STARD13: variants seen among roughly 807,000 people sequenced by gnomAD.
The protein encoded by STARD13 is stAR-related lipid transfer protein 13.
A neutral mutation model predicts 106.4 loss-of-function variants in STARD13; 62 were observed. That is an observed-to-expected ratio of 0.58 (90% CI 0.48 to 0.72). The LOEUF (loss-of-function observed/expected upper bound fraction) is 0.72, where lower values mean the gene tolerates loss of function less well. Ranked by LOEUF, STARD13 falls within the 30% of genes least tolerant of loss-of-function variation. STARD13 has a pLI of 0.00. For missense variants in STARD13, 1,387 were observed against 1,424.0 expected (o/e 0.97, Z 0.42); for synonymous variants, 565 against 553.0 (o/e 1.02, Z -0.31).
chr13:33,241,809 C>G (rs527325152), intron 1 of STARD13, among the ~76,000 whole-genome samples: 2 of 152,148 alleles, frequency 1.3e-5, no homozygotes, highest in African/African-American at 2.4e-5. Context: ...CCCGAGGTGC[C>G]GGGATGGCAG....
the STARD13 span, among the ~76,000 whole-genome samples, chr13:33,387,865 C>T: frequency 2.6e-5 from 4 of 152,206 alleles, no homozygotes; most frequent in South Asian, 2.1e-4. Context: ...CCAGATTGGC[C>T]GCTCCCAGAT....
At chr13:33,302,092 A>G (rs1892742080) in intron 1 of STARD13, among the ~76,000 whole-genome samples, 1 of 152,206 alleles carries the variant, frequency 6.6e-6, no homozygotes, top group African/African-American at 2.4e-5. Flanking sequence ...GATAATAATT[A>G]AAGTCAGAGA....
the STARD13 span, among the ~76,000 whole-genome samples, chr13:33,616,952 G>T: frequency 4.6e-5 from 7 of 152,276 alleles, no homozygotes; most frequent in South Asian, 1.2e-3. Context: ...AGGGGACTTG[G>T]GTAGGGAGCG....
Position 33,294,224 on chromosome 13 carries a change from G to A in STARD13, c.124+56066C>T, listed in dbSNP as rs140674131. On this transcript the variant is annotated intron_variant, in intron 1 of 5. Transcript: ENST00000567873. ...CGTGCCTTTAACTAAACAGTACAGC[G>A]GCACTGAGCCAGCTACATTCAGCTG... is the stretch of plus-strand genomic sequence containing the variant. Among the ~76,000 whole-genome samples the A allele has an allele frequency of 2.6e-3, 394 of 152,264 alleles. 4 individuals are homozygous for A. Among genetic ancestry groups the A allele is most frequent in the African/African-American group, 9.3e-3 (386 of 41,546 alleles).
chr13:33,675,238 G>C, the STARD13 span, among the ~76,000 whole-genome samples: 8,087 of 152,222 alleles, frequency 0.053, 728 homozygotes, highest in African/African-American at 0.18. Context: ...TTCCCTCCAG[G>C]ACAAAGGTAG....
At chr13:33,359,070 A>G in the STARD13 span, among the ~76,000 whole-genome samples, 4 of 152,216 alleles carry the variant, frequency 2.6e-5, no homozygotes, top group Admixed American at 2.6e-4. Flanking sequence ...GGGTGGGGCC[A>G]GATAAGAGAA....
intron 1 of STARD13, among the ~76,000 whole-genome samples, chr13:33,214,730 ACACACAC>A (rs1349736121): frequency 6.6e-6 from 1 of 150,912 alleles, no homozygotes; most frequent in Non-Finnish European, 1.5e-5. Context: ...ACACACACAC[ACACACAC>A]ATCCCCTGCA....
chr13:33,505,864 T>C, the STARD13 span, among the ~76,000 whole-genome samples: 4 of 152,116 alleles, frequency 2.6e-5, no homozygotes, highest in African/African-American at 7.2e-5. Flanking sequence ...GTCTGCAGAG[T>C]CCTGGGCATC....
chr13:33,589,264 A>AT, the STARD13 span, among the ~76,000 whole-genome samples: 2 of 152,010 alleles, frequency 1.3e-5, no homozygotes, highest in Non-Finnish European at 1.5e-5. Context: ...GGATTCATTG[A>AT]TTTTTTGAAG....
chr13:33,104,477 C>A lies in STARD13; in HGVS notation c.*1116G>T, dbSNP rs1209797232. On this transcript the variant is annotated 3_prime_UTR_variant, in exon 14 of 14. Transcript: ENST00000336934. ...TTAATGAATTACATTTTAAGAGTAT[C>A]CTACACATAACAAAATATGAATTCC... 3 of 152,544 alleles carry A rather than the reference C, an allele frequency of 2.0e-5. No homozygotes were observed. Among genetic ancestry groups the A allele is most frequent in the Admixed American group, 6.5e-5 (1 of 15,272 alleles). 9.4% of individuals were successfully genotyped at this position (152,544 alleles called of 1,614,324 possible). A position where few individuals can be genotyped will look rare whatever the true frequency, so the allele number is the denominator to read the frequency against.
the STARD13 span, among the ~76,000 whole-genome samples, chr13:33,661,903 CA>C: frequency 0.094 from 11,387 of 121,720 alleles, 746 homozygotes; most frequent in Admixed American, 0.26. Context: ...GATCTCCTGG[CA>C]AAAAAAAAAA....
the STARD13 span, among the ~76,000 whole-genome samples, chr13:33,525,243 G>A: frequency 6.6e-6 from 1 of 152,044 alleles, no homozygotes; most frequent in Non-Finnish European, 1.5e-5. Flanking sequence ...GGCTGGTCTT[G>A]AACTCCTGGG....
intron 1 of STARD13, among the ~76,000 whole-genome samples, chr13:33,264,403 GA>G: frequency 6.6e-6 from 1 of 152,328 alleles, no homozygotes; most frequent in East Asian, 1.9e-4. Flanking sequence ...TGTGCTCCCT[GA>G]GGAACTTGGG....
At chr13:33,468,382 C>T in the STARD13 span, among the ~76,000 whole-genome samples, 1 of 151,550 alleles carries the variant, frequency 6.6e-6, no homozygotes, top group Non-Finnish European at 1.5e-5. Flanking sequence ...TGAATGTGTC[C>T]CCCAAGGTTC....
chr13:33,256,346 C>T (rs953204980), intron 1 of STARD13, among the ~76,000 whole-genome samples: 9 of 152,220 alleles, frequency 5.9e-5, no homozygotes, highest in Non-Finnish European at 1.3e-4. Context: ...TCCTCCAGCC[C>T]TACAGTCAGC....
chr13:33,271,869 C>G (rs1891181828), intron 1 of STARD13, among the ~76,000 whole-genome samples: 1 of 152,108 alleles, frequency 6.6e-6, no homozygotes. Flanking sequence ...AGTAAACATG[C>G]CTACGTATAA....
chr13:33,441,985 T>C, the STARD13 span, among the ~76,000 whole-genome samples: 1 of 152,222 alleles, frequency 6.6e-6, no homozygotes, highest in African/African-American at 2.4e-5. Flanking sequence ...GGAGAAAAGA[T>C]CCCTCCATAT....
the STARD13 span, among the ~76,000 whole-genome samples, chr13:33,650,278 C>T: frequency 7.0e-6 from 1 of 143,780 alleles, no homozygotes; most frequent in Non-Finnish European, 1.5e-5. Flanking sequence ...GCAAGCTCCG[C>T]CTCCCGGGTT....
intron 8 of STARD13, among the ~76,000 whole-genome samples, chr13:33,117,078 T>C (rs1875485529): frequency 6.6e-6 from 1 of 152,180 alleles, no homozygotes; most frequent in Non-Finnish European, 1.5e-5. Context: ...ATGTTAACAT[T>C]GTCATATCTA....
Sources: allele counts gnomAD v4.1 joint callset (sites outside exome capture counted in the v4.1 genomes callset), GRCh38; gene constraint gnomAD v4.1.1; transcripts MANE v1.5; gene names NCBI Gene and HGNC (gene_info 2026-07-23, HGNC 2026-07-21).